The following TRAPPC10 variants were observed in gnomAD, a reference collection of about 807,000 sequenced individuals.
TRAPPC10 encodes TRAPP 130 kDa subunit.
Under a neutral mutation model 125.5 loss-of-function variants are expected in TRAPPC10, and 23 were observed. The observed-to-expected ratio is 0.18, with a 90% CI of 0.13 to 0.26. The LOEUF (loss-of-function observed/expected upper bound fraction) is 0.26, where lower values mean the gene tolerates loss of function less well. Among genes scored for constraint, TRAPPC10 ranks in the 10% least tolerant of loss-of-function variants. The pLI is 1.00. For missense variants in TRAPPC10, 1,123 were observed against 1,308.4 expected (o/e 0.86, Z 2.19); for synonymous variants, 509 against 518.0 (o/e 0.98, Z 0.24).
chr21:44,085,850 G>C (rs2038089986), intron 15 of TRAPPC10, among the ~76,000 whole-genome samples: 1 of 152,224 alleles, frequency 6.6e-6, no homozygotes, highest in Non-Finnish European at 1.5e-5. Context: ...TGAAGAACAT[G>C]TGGCAGCTGA....
intron 1 of TRAPPC10, among the ~76,000 whole-genome samples, chr21:44,028,744 C>T (rs917714761): frequency 1.3e-5 from 2 of 152,200 alleles, no homozygotes; most frequent in Admixed American, 6.5e-5. Context: ...TAATAAATAG[C>T]CTCCTGAGGC....
At chr21:44,033,031 T>A (rs1286615762) in intron 2 of TRAPPC10, among the ~76,000 whole-genome samples, 2 of 152,230 alleles carry the variant, frequency 1.3e-5, no homozygotes, top group African/African-American at 4.8e-5. Flanking sequence ...TCTGGTGACA[T>A]ACTCATAGGA....
At chr21:44,090,060 GT>G in intron 18 of TRAPPC10, 127 bp downstream of exon 18, 1 of 644,460 alleles carries the variant, frequency 1.6e-6, no homozygotes. Context: ...CAAGGCCATT[GT>G]TTGTGTCTTA....
At chr21:44,088,680 G>A (rs17004630) in intron 17 of TRAPPC10, 15,564 of 155,444 alleles carry the variant, frequency 0.1, 932 homozygotes, top group South Asian at 0.24. Context: ...CGAAGGTGGC[G>A]CTTAGCTCAG....
chr21:44,091,752 T>A (rs749709541), intron 18 of TRAPPC10, 171 bp from the exon 19 acceptor site: 327 of 644,106 alleles, frequency 5.1e-4, no homozygotes, highest in Non-Finnish European at 7.3e-4. Flanking sequence ...AGGTTTATTT[T>A]CTGGCACTTT....
intron 4 of TRAPPC10, among the ~76,000 whole-genome samples, chr21:44,054,201 G>A (rs1471481621): frequency 1.3e-5 from 2 of 152,206 alleles, no homozygotes. Flanking sequence ...GGGACCTTTG[G>A]AGTGAGCGGC....
Position 44,077,704 on chromosome 21 carries a change from T to C in TRAPPC10, c.1389T>C (p.His463=), listed in dbSNP as rs2037388996. ...AFEKHYLDLS[H]ATIEMYTSIG... is the part of the protein sequence containing the mutation. ...TTACTTCCCCACAGGATTTGTCCCATGCCACCATTGAAATGTATACAAGCA... is the reference window on the plus strand; with the variant it reads ...TTACTTCCCCACAGGATTTGTCCCACGCCACCATTGAAATGTATACAAGCA... Residue 463 remains histidine, a synonymous_variant, in exon 11 of 23, where the codon CAT becomes CAC. Coordinates refer to ENST00000291574, the MANE Select transcript of TRAPPC10 (RefSeq NM_003274.5). 6.2e-7 allele frequency: 1 copy of C among 1,603,756 alleles called. No individual in the cohort carries two copies. The highest frequency in any genetic ancestry group is 1.3e-5 in the African/African-American group (1 of 74,832).
In TRAPPC10 at chr21:44,044,766, C is replaced by T. The variant is rs1265237460; in HGVS notation, c.285+6839C>T. ...GCAACCTCCGCCTCCCAGGTTCAATCGATACTCCTGCCTCAGCCTCTGAAG... is the reference window on the plus strand; with the variant it reads ...GCAACCTCCGCCTCCCAGGTTCAATTGATACTCCTGCCTCAGCCTCTGAAG... On this transcript the variant is annotated intron_variant, in intron 3 of 22. Transcript: ENST00000291574. 5.4e-5 allele frequency among the ~76,000 whole-genome samples: 8 copies of T among 147,640 alleles called. No homozygotes were observed. In the South Asian group the frequency reaches 1.1e-3, roughly 20 times the overall value.
At chr21:44,086,076 T>C (rs910618879) in intron 15 of TRAPPC10, among the ~76,000 whole-genome samples, 3 of 152,218 alleles carry the variant, frequency 2.0e-5, no homozygotes, top group Admixed American at 1.3e-4. Flanking sequence ...CATTGGAACA[T>C]TGTGTAGAGA....
chr21:44,064,753 A>C (rs1381017629), intron 7 of TRAPPC10, among the ~76,000 whole-genome samples: 1 of 152,204 alleles, frequency 6.6e-6, no homozygotes, highest in Non-Finnish European at 1.5e-5. Flanking sequence ...TTAATTAATG[A>C]AGAGAAATAT....
intron 1 of TRAPPC10, among the ~76,000 whole-genome samples, chr21:44,028,904 T>C (rs541548466): frequency 6.6e-6 from 1 of 152,294 alleles, no homozygotes; most frequent in African/African-American, 2.4e-5. Flanking sequence ...GGGATTAAAA[T>C]GAAAATTTAG....
Position 44,037,842 on chromosome 21 carries a change from A to T in TRAPPC10, c.200A>T (p.Gln67Leu), listed in dbSNP as rs1281317614. 3 of 1,614,186 alleles carry T rather than the reference A, an allele frequency of 1.9e-6. No individual in the cohort carries two copies. The highest frequency in any genetic ancestry group is 2.5e-6 in the Non-Finnish European group (3 of 1,180,044). Residue 67 changes from glutamine (Q) to leucine (L), a missense_variant, in exon 3 of 23, where the codon CAA becomes CTA. Around this residue, in one of 4 missense-constraint regions of TRAPPC10, gnomAD observed 177 missense variants for 228.9 expected, o/e 0.77. Transcript: ENST00000291574. ...ATTCACCTAGAGTCTAACTTTGTTC[A>T]ATTCAAAGAGGAGCTGCTGCCCAAA... is the stretch of plus-strand genomic sequence containing the variant. ...KMIHLESNFV[Q>L]FKEELLPKEG...
intron 1 of TRAPPC10, among the ~76,000 whole-genome samples, chr21:44,024,272 A>T (rs1159130014): frequency 1.3e-5 from 2 of 152,170 alleles, no homozygotes; most frequent in Non-Finnish European, 2.9e-5. Context: ...TCCCCAGCTC[A>T]TGCTGCTTCA....
intron 6 of TRAPPC10, chr21:44,062,932 A>C: frequency 7.9e-7 from 1 of 1,262,078 alleles, no homozygotes; most frequent in South Asian, 1.3e-5. Flanking sequence ...TTATTTTAAG[A>C]TCATATTTGA....
chr21:44,074,598 C>G (rs1269718783), intron 8 of TRAPPC10, 128 bp downstream of exon 8: 4 of 1,260,878 alleles, frequency 3.2e-6, no homozygotes, highest in Non-Finnish European at 4.4e-6. Context: ...TTTAGTGGCC[C>G]TAGAAGGTGT....
intron 12 of TRAPPC10, 151 bp downstream of exon 12, chr21:44,079,855 T>A: frequency 9.2e-7 from 1 of 1,089,800 alleles, no homozygotes; most frequent in Non-Finnish European, 1.3e-6. Context: ...ATGAAATGTC[T>A]AGTCGATTTT....
chr21:44,063,500 C>T lies in TRAPPC10; in HGVS notation c.791-38C>T, dbSNP rs1569183988. 4 of 1,604,010 alleles carry T rather than the reference C, an allele frequency of 2.5e-6. No individual in the cohort carries two copies. In the South Asian group the frequency reaches 4.5e-5, roughly 18 times the overall value. On this transcript the variant is annotated intron_variant, in intron 6 of 22. Transcript: ENST00000291574. The surrounding 1 kb of genome is among the most constrained non-coding windows in gnomAD (Gnocchi z 4.4). ...GCAGGAAGCTCAGGAAGGTGAAGTACCTGCAATCAGCACCTTTCATGATGT... is the reference window on the plus strand; with the variant it reads ...GCAGGAAGCTCAGGAAGGTGAAGTATCTGCAATCAGCACCTTTCATGATGT...
intron 2 of TRAPPC10, among the ~76,000 whole-genome samples, chr21:44,034,067 C>T (rs556830926): frequency 5.2e-4 from 79 of 152,224 alleles, no homozygotes; most frequent in Non-Finnish European, 9.0e-4. Flanking sequence ...CAGCGGAGGC[C>T]GCAGGATATA....
Position 44,032,083 on chromosome 21 carries a change from C to A in TRAPPC10, c.68-8C>A. 1 of 1,609,982 alleles carries A rather than the reference C, an allele frequency of 6.2e-7. No individual in the cohort carries two copies. Among genetic ancestry groups the A allele is most frequent in the South Asian group, 1.1e-5 (1 of 90,218 alleles). ...TATGGTAACTGAATTTCTTTCTTCC[C>A]TTCATAGGTGCTGGAGATCAGAATT... On this transcript the variant is annotated splice_polypyrimidine_tract_variant and splice_region_variant and intron_variant, in intron 1 of 22. Transcript: ENST00000291574.
Sources: allele counts gnomAD v4.1 joint callset (sites outside exome capture counted in the v4.1 genomes callset), GRCh38; gene constraint gnomAD v4.1.1; regional missense constraint gnomAD v4.1.1; non-coding constraint Gnocchi (gnomAD v3.1); transcripts MANE v1.5; gene names NCBI Gene and HGNC (gene_info 2026-07-23, HGNC 2026-07-21).